Variants in ZNF117 observed in about 807,000 individuals in gnomAD.
ZNF117 encodes zinc finger protein 117, also known as Krueppel-related zinc finger protein.
ZNF117 carries 37 observed loss-of-function variants against 41.2 expected under a neutral mutation model. The ratio of observed to expected loss-of-function variants is 0.90; its 90% CI spans 0.69 to 1.18. The LOEUF (loss-of-function observed/expected upper bound fraction) is 1.18, where lower values mean the gene tolerates loss of function less well. Among genes scored for constraint, ZNF117 ranks in the 50% most tolerant of loss-of-function variants. The pLI is 0.00. For missense variants in ZNF117, 546 were observed against 557.5 expected, an observed-to-expected ratio of 0.98 and a Z score of 0.21; for synonymous variants, 186 against 186.6, an observed-to-expected ratio of 1.00 and a Z score of 0.02.
chr7:64,979,469 C>G, exon 3 of ZNF117: 1 of 1,594,522 alleles, frequency 6.3e-7, no homozygotes, highest in Non-Finnish European at 8.5e-7. Flanking sequence ...TTCTTAGGGT[C>G]ACTTTCTGGA....
chr7:64,978,347 C>T, exon 3 of ZNF117: 8 of 1,613,258 alleles, frequency 5.0e-6, no homozygotes, highest in Non-Finnish European at 6.8e-6. Context: ...TATGAATTTT[C>T]TTACATGTAC....
chr7:64,989,861 CAA>C lies in ZNF117; in HGVS notation c.-196+84_-196+85del, dbSNP rs544470114. ...AGCTGAGGCAGATGGATCATGAGGT[CAA>C]GAGATCCAGACCATCCTGGCCAACA... On this transcript the variant is annotated intron_variant, in intron 1 of 3. Transcript: ENST00000282869. 1.4e-3 allele frequency: 216 copies of C among 152,136 alleles called. 1 individual carries two copies. The highest frequency in any genetic ancestry group is 5.1e-3 in the African/African-American group (213 of 41,502). 9.4% of individuals were successfully genotyped at this position (152,136 alleles called of 1,614,324 possible).
exon 3 of ZNF117, chr7:64,978,179 C>G (rs1326470249): frequency 1.9e-6 from 3 of 1,611,884 alleles, no homozygotes; most frequent in Non-Finnish European, 2.5e-6. Flanking sequence ...TATGAATTAT[C>G]TTATGTGTAG....
chr7:64,989,146 TACACAC>T (rs148723682), intron 1 of ZNF117, among the ~76,000 whole-genome samples: 3 of 148,512 alleles, frequency 2.0e-5, no homozygotes, highest in Admixed American at 6.8e-5. Context: ...AGGCAATGTA[TACACAC>T]ACACACACAC....
intron 2 of ZNF117, chr7:64,980,301 G>C (rs943105331): frequency 6.6e-6 from 1 of 151,874 alleles, no homozygotes; most frequent in Non-Finnish European, 1.5e-5. Context: ...TTCAATTAAA[G>C]ATTACAATGC....
exon 3 of ZNF117, chr7:64,979,037 T>G: frequency 6.2e-7 from 1 of 1,613,196 alleles, no homozygotes; most frequent in Non-Finnish European, 8.5e-7. Context: ...TAATAAGGTG[T>G]GAGGTCTGGT....
At chr7:64,989,487 A>ATATATATG (rs1786213915) in intron 1 of ZNF117, among the ~76,000 whole-genome samples, 4 of 105,990 alleles carry the variant, frequency 3.8e-5, no homozygotes, top group Admixed American at 3.7e-4. Context: ...ATATATATAT[A>ATATATATG]TATATATATA....
chr7:64,979,827 T>G (rs1259474540), intron 2 of ZNF117: 1 of 215,808 alleles, frequency 4.6e-6, no homozygotes, highest in Non-Finnish European at 9.1e-6. Flanking sequence ...ACACAGCTCT[T>G]TCTGCTCCTC....
chr7:64,982,385 G>T (rs1182736159), upstream of ZNF117, among the ~76,000 whole-genome samples: 2 of 152,126 alleles, frequency 1.3e-5, no homozygotes, highest in African/African-American at 4.8e-5. Flanking sequence ...ATAAATTAGG[G>T]CATAAACGCC....
At chr7:64,977,459 T>G in exon 3 of ZNF117, 1 of 474,916 alleles carries the variant, frequency 2.1e-6, no homozygotes, top group Non-Finnish European at 4.2e-6. Flanking sequence ...GACTGAAAGT[T>G]TTGCCACATT....
exon 3 of ZNF117, chr7:64,977,720 T>C: frequency 1.1e-6 from 1 of 883,932 alleles, no homozygotes; most frequent in Non-Finnish European, 1.8e-6. Flanking sequence ...CTTTGCCACA[T>C]TCTTCACATT....
At chr7:64,973,500 T>C (rs1785815414), downstream of ZNF117, 1 of 151,994 alleles carries the variant, frequency 6.6e-6, no homozygotes, top group Non-Finnish European at 1.5e-5. Context: ...AAAATAATGC[T>C]AACTGATTTA....
At chr7:64,978,008 C>A in exon 3 of ZNF117, 1 of 1,292,728 alleles carries the variant, frequency 7.7e-7, no homozygotes, top group Admixed American at 2.1e-5. Flanking sequence ...CAGTATGAAT[C>A]ATCTTATGTT....
exon 3 of ZNF117, chr7:64,978,919 C>T (rs1785961136): frequency 6.2e-7 from 1 of 1,613,326 alleles, no homozygotes; most frequent in Admixed American, 1.7e-5. Context: ...TAGGGAATTT[C>T]CCCAGTATGA....
At chr7:64,990,383 G>A (rs1786236616) in exon 1 of ZNF117, 1 of 182,094 alleles carries the variant, frequency 5.5e-6, no homozygotes, top group Non-Finnish European at 1.2e-5. Context: ...TTTTATTTAG[G>A]TGGCCACTGG....
chr7:64,979,623 C>G (rs1584048755), intron 2 of ZNF117, 87 bp from the exon 4 acceptor site: 1 of 1,082,560 alleles, frequency 9.2e-7, no homozygotes, highest in African/African-American at 1.6e-5. Flanking sequence ...GTTACAGAAA[C>G]TACATAAGCA....
exon 3 of ZNF117, chr7:64,979,046 G>A: frequency 6.2e-7 from 1 of 1,612,766 alleles, no homozygotes; most frequent in Non-Finnish European, 8.5e-7. Flanking sequence ...GTGAGGTCTG[G>A]TTAAAGGCTT....
chr7:64,990,333 A>T (rs1852026), exon 1 of ZNF117: 60,342 of 158,834 alleles, frequency 0.38, 11,723 homozygotes, highest in Middle Eastern at 0.43. Context: ...ATGTTGTGGG[A>T]ATCAGGAGGC....
Position 64,978,870 on chromosome 7 carries a change from G to C in ZNF117, c.701C>G (p.Ser234Ter), listed in dbSNP as rs760672852. Residue 234 changes from serine (S) to a stop codon, truncating the protein, a stop_gained, in exon 3 of 3, where the codon TCA becomes TGA. Coordinates refer to ENST00000620222, the Ensembl canonical transcript of ZNF117. LOFTEE classifies it high-confidence loss of function. The stretch of plus-strand genomic sequence containing the variant: ...AATTAACTTATGTTCAGTAAGCTTT[G>C]AGGCTTGGTTAAAAGCTCTAACACA... The C allele has an allele frequency of 5.0e-6, 8 of 1,613,618 alleles. No individual in the cohort carries two copies. The highest frequency in any genetic ancestry group is 3.3e-5 in the Admixed American group (2 of 59,942).
Sources: gnomAD v4.1 joint callset for allele counts (sites outside exome capture counted in the v4.1 genomes callset) on GRCh38, gnomAD v4.1.1 for gene constraint, MANE v1.5 for transcripts, NCBI Gene and HGNC (gene_info 2026-07-23, HGNC 2026-07-21) for gene names.